Variants in DSTYK observed in about 807,000 individuals in gnomAD.
DSTYK encodes the protein dual serine/threonine and tyrosine protein kinase.
In DSTYK, 34 loss-of-function variants were observed where a neutral mutation model predicts 98.7. That is an observed-to-expected ratio of 0.34 (90% CI 0.26 to 0.46). The LOEUF (loss-of-function observed/expected upper bound fraction) is 0.46, where lower values mean the gene tolerates loss of function less well. Ranked by LOEUF, DSTYK falls within the 20% of genes least tolerant of loss-of-function variation. The pLI is 1.00. For missense variants in DSTYK, 962 were observed against 1,181.7 expected, an observed-to-expected ratio of 0.81 and a Z score of 2.73; for synonymous variants, 462 against 457.3, an observed-to-expected ratio of 1.01 and a Z score of -0.13.
Position 205,148,301 on chromosome 1 carries a change from T to C in DSTYK, c.2506A>G (p.Ile836Val), listed in dbSNP as rs1351574446. ...DNSVDVYAFG[I>V]LFWYICSGSV... ...CCTGAGCAGATATACCAGAAAAGAA[T>C]TCCAAAAGCGTAGACATCCACGGAA... Residue 836 changes from isoleucine to valine, a missense_variant, in exon 12 of 13, where the codon ATT becomes GTT. Physicochemically the swap from Ile to Val is conservative, Grantham distance 29 (BLOSUM62 3). Coordinates refer to ENST00000367162, the MANE Select transcript of DSTYK (RefSeq NM_015375.3). 6.2e-7 allele frequency: 1 copy of C among 1,614,100 alleles called. No homozygotes were observed. Among genetic ancestry groups the C allele is most frequent in the Non-Finnish European group, 8.5e-7 (1 of 1,179,990 alleles).
chr1:205,206,676 A>G (rs1399382715), intron 1 of DSTYK, among the ~76,000 whole-genome samples: 12 of 132,176 alleles, frequency 9.1e-5, no homozygotes, highest in South Asian at 2.5e-4. Flanking sequence ...TCCGCCTCCC[A>G]GATTCAAGCG....
chr1:205,151,400 T>G (rs1657397378), intron 10 of DSTYK, among the ~76,000 whole-genome samples: 1 of 152,258 alleles, frequency 6.6e-6, no homozygotes, highest in Non-Finnish European at 1.5e-5. Flanking sequence ...GCTTTTTGTT[T>G]GACTCTTTTG....
In DSTYK at chr1:205,169,612, G is replaced by A; in HGVS notation, c.875C>T (p.Ser292Leu). 6.2e-7 allele frequency: 1 copy of A among 1,614,226 alleles called. No homozygotes were observed. Among genetic ancestry groups the A allele is most frequent in the Non-Finnish European group, 8.5e-7 (1 of 1,180,030 alleles). Residue 292 changes from serine to leucine, a missense_variant, in exon 3 of 13, where the codon TCA becomes TTA. Coordinates refer to ENST00000367162, the MANE Select transcript of DSTYK (RefSeq NM_015375.3). The surrounding 1 kb of genome is among the most constrained non-coding windows in gnomAD (Gnocchi z 4.0). ...PKLGSEIIDSSTRRMESERSP... is the reference protein window; with the variant it reads ...PKLGSEIIDSLTRRMESERSP... ...TCTTTCGCTCTCCATTCTCCTGGTT[G>A]AGGAGTCTATTATCTCCGAGCCCAG... is the stretch of plus-strand genomic sequence containing the variant.
chr1:205,165,824 C>A (rs535220251), intron 3 of DSTYK, among the ~76,000 whole-genome samples: 23 of 152,112 alleles, frequency 1.5e-4, no homozygotes, highest in Admixed American at 1.5e-3. Flanking sequence ...CATGGTGAAA[C>A]CCTGTCTCTA....
At position 205,150,292 on chromosome 1, in the gene DSTYK, A is replaced by G. The variant is rs1657364938; in HGVS notation, c.2467+388T>C. On this transcript the variant is annotated intron_variant, in intron 11 of 12. Coordinates refer to ENST00000367162, the MANE Select transcript of DSTYK (RefSeq NM_015375.3). This position sits in a 1 kb window ranked among gnomAD's most constrained non-coding sequence, Gnocchi z 4.1. Reference sequence around the variant, plus strand: ...ATAGCACTTAATTTAGCACTTAATCATACGTTGTGTTGTACTGCTTCCTAT... The same window carrying G: ...ATAGCACTTAATTTAGCACTTAATCGTACGTTGTGTTGTACTGCTTCCTAT... 6.6e-6 allele frequency among the ~76,000 whole-genome samples: 1 copy of G among 152,170 alleles called. No individual in the cohort carries two copies. The highest frequency in any genetic ancestry group is 2.4e-5 in the African/African-American group (1 of 41,434).
chr1:205,172,302 T>G (rs552506719), intron 2 of DSTYK, among the ~76,000 whole-genome samples: 27 of 138,324 alleles, frequency 2.0e-4, no homozygotes, highest in East Asian at 4.1e-4. Context: ...TTGTTTGTGG[T>G]TTTTTTTTTT....
chr1:205,201,635 T>G (rs12040263), intron 1 of DSTYK, among the ~76,000 whole-genome samples: 24,680 of 152,158 alleles, frequency 0.16, 2,752 homozygotes, highest in East Asian at 0.44. Context: ...TAACAGATAT[T>G]TATTTGCCCA....
chr1:205,167,888 G>T (rs1657934741), intron 3 of DSTYK, among the ~76,000 whole-genome samples: 1 of 152,204 alleles, frequency 6.6e-6, no homozygotes, highest in Non-Finnish European at 1.5e-5. Flanking sequence ...GAGGCGGGTA[G>T]ATTACGAGGT....
rs888308509 is a variant in DSTYK, at chr1:205,147,548, G to A, written c.*10C>T. On this transcript the variant is annotated 3_prime_UTR_variant, in exon 13 of 13. Transcript: ENST00000367162. ...AATAACTAGAGAGTGAAAGAGAAAG[G>A]TCTTTGCTTTCAAGTAGAATCATCT... is the stretch of plus-strand genomic sequence containing the variant. The A allele has an allele frequency of 3.7e-6, 6 of 1,600,024 alleles. No individual in the cohort carries two copies. Among genetic ancestry groups the A allele is most frequent in the African/African-American group, 2.7e-5 (2 of 74,646 alleles).
At chr1:205,153,731 ACT>A (rs1171850571) in intron 10 of DSTYK, among the ~76,000 whole-genome samples, 1 of 148,718 alleles carries the variant, frequency 6.7e-6, no homozygotes, top group Middle Eastern at 4.0e-3. Flanking sequence ...GCAGGGTCTC[ACT>A]CTGTCACCAG....
In DSTYK at chr1:205,147,698, A is replaced by G. The variant is rs750200976; in HGVS notation, c.2650T>C (p.Leu884=). 2 of 1,614,122 alleles carry G rather than the reference A, an allele frequency of 1.2e-6. No homozygotes were observed. The highest frequency in any genetic ancestry group is 3.3e-5 in the Admixed American group (2 of 60,026). The change falls in exon 13 of 13, where the codon TTG becomes CTG. Residue 884 remains leucine, a synonymous_variant. Transcript: ENST00000367162. ...TCGCCATCCCAACAGGCTTCCATCA[A>G]CTGCCAGCACTCCTCATCAAACACA... ...LPVFDEECWQ[L]MEACWDGDPL... is the part of the protein sequence containing the mutation.
intron 2 of DSTYK, among the ~76,000 whole-genome samples, chr1:205,170,729 A>C (rs1658034119): frequency 6.6e-6 from 1 of 152,184 alleles, no homozygotes. Flanking sequence ...AGTGAAGGCA[A>C]TGTCCTTTAC....
chr1:205,163,813 T>A lies in DSTYK; in HGVS notation c.1467A>T (p.Glu489Asp). 1 of 1,614,168 alleles carries A rather than the reference T, an allele frequency of 6.2e-7. No individual in the cohort carries two copies. Among genetic ancestry groups the A allele is most frequent in the Non-Finnish European group, 8.5e-7 (1 of 1,180,026 alleles). The change falls in exon 4 of 13, where the codon GAA (glutamate) becomes GAT (aspartate). Residue 489 changes from glutamate to aspartate, a missense_variant. Glu to Asp is a conservative substitution (Grantham distance 45). Coordinates refer to ENST00000367162, the MANE Select transcript of DSTYK (RefSeq NM_015375.3). ...KLISSVDYLR[E>D]SFVGTLERCL... ...ATCGTTCCAGGGTTCCGACGAAGCT[T>A]TCCCTCAGGTAATCCACTGAGCTGA...
chr1:205,165,610 G>A (rs915900954), intron 3 of DSTYK, among the ~76,000 whole-genome samples: 1 of 152,144 alleles, frequency 6.6e-6, no homozygotes, highest in African/African-American at 2.4e-5. Flanking sequence ...TTCTTCAGAG[G>A]AAATTTGGCA....
intron 2 of DSTYK, among the ~76,000 whole-genome samples, chr1:205,176,135 A>C (rs984535023): frequency 6.6e-6 from 1 of 152,194 alleles, no homozygotes; most frequent in Non-Finnish European, 1.5e-5. Context: ...AAATCTGTGG[A>C]GTTTACAGAA....
At chr1:205,170,461 A>G (rs1162950366) in intron 2 of DSTYK, among the ~76,000 whole-genome samples, 1 of 152,218 alleles carries the variant, frequency 6.6e-6, no homozygotes, top group African/African-American at 2.4e-5. Context: ...CTTTGAGGGC[A>G]GGGACTGGGT....
intron 8 of DSTYK, 98 bp downstream of exon 8, chr1:205,160,016 A>G (rs557008280): frequency 1.4e-6 from 2 of 1,398,440 alleles, no homozygotes; most frequent in Admixed American, 1.7e-5. Flanking sequence ...AACTAAATAT[A>G]GAGAGGCCAT....
In DSTYK at chr1:205,163,953, C is replaced by T. The variant is rs772513231; in HGVS notation, c.1327G>A (p.Val443Ile). 16 of 1,613,598 alleles carry T rather than the reference C, an allele frequency of 9.9e-6. No homozygotes were observed. Among genetic ancestry groups the T allele is most frequent in the Middle Eastern group, 1.7e-4 (1 of 6,060 alleles). Residue 443 changes from valine (V) to isoleucine (I), a missense_variant and splice_region_variant, in exon 4 of 13, where the codon GTC (valine) becomes ATC (isoleucine). This residue lies in a region of DSTYK where 660 missense variants were observed against 855.0 expected (regional missense o/e 0.77). Transcript: ENST00000367162. ...GGTTCTCCATTCTCAGGGACAATGA[C>T]GTCTATGGAGGCAGAGAAATAAGCT... The part of the protein sequence containing the change: ...DDATNMEFKD[V>I]IVPENGEPVG...
rs199944046 is a variant in DSTYK at position 205,187,510 on chromosome 1, G to C, written c.562C>G (p.Pro188Ala). 5.6e-6 allele frequency: 9 copies of C among 1,614,154 alleles called. No homozygotes were observed. In the East Asian group the frequency reaches 1.8e-4, roughly 32 times the overall value. ...VAHQGNWETI[P>A]EEDLEVQENN... ...TCTTGGACCTCCAGATCCTCCTCAG[G>C]GATGGTCTCCCAGTTGCCCTGATGA... Residue 188 changes from proline to alanine, a missense_variant, in exon 2 of 13, where the codon CCT becomes GCT. By Grantham distance (27) the Pro-to-Ala change is conservative (BLOSUM62 -1). Around this residue, in one of 4 missense-constraint regions of DSTYK, gnomAD observed 660 missense variants for 855.0 expected, o/e 0.77. Transcript: ENST00000367162.
Sources: gnomAD v4.1 joint callset for allele counts (sites outside exome capture counted in the v4.1 genomes callset) on GRCh38, gnomAD v4.1.1 for gene constraint, gnomAD v4.1.1 regional missense constraint, Gnocchi (gnomAD v3.1) non-coding constraint, MANE v1.5 for transcripts, NCBI Gene and HGNC (gene_info 2026-07-23, HGNC 2026-07-21) for gene names.